The following ASMT variants were observed in gnomAD, a reference collection of about 807,000 sequenced individuals.
The protein encoded by ASMT is acetylserotonin O-methyltransferase.
In ASMT, 53 loss-of-function variants were observed where a neutral mutation model predicts 41.3. The ratio of observed to expected loss-of-function variants is 1.28; its 90% CI spans 1.03 to 1.61. ASMT has a LOEUF of 1.61. Ranked by LOEUF, ASMT falls within the 40% of genes most tolerant of loss-of-function variation. The pLI is 0.00. For missense variants in ASMT, 531 were observed against 441.3 expected, an observed-to-expected ratio of 1.20 and a Z score of -1.82; for synonymous variants, 231 against 184.8, an observed-to-expected ratio of 1.25 and a Z score of -2.03.
At chrX:1,636,041 C>CACCTCCTGGTTTCAAGT (rs1421417524) in intron 7 of ASMT, among the ~76,000 whole-genome samples, 1 of 150,322 alleles carries the variant, frequency 6.7e-6, no homozygotes, top group Non-Finnish European at 1.5e-5. Flanking sequence ...CTGCAAGCTC[C>CACCTCCTGGTTTCAAGT]GCCTCCCGGG....
At position 1,624,330 on chromosome X, in the gene ASMT, A is replaced by G. The variant is rs761098686; in HGVS notation, c.306A>G (p.Gln102=). The G allele has an allele frequency of 1.9e-6, 3 of 1,613,828 alleles. No individual in the cohort carries two copies. Among genetic ancestry groups the G allele is most frequent in the Admixed American group, 1.7e-5 (1 of 59,992 alleles). ...TGACCACGGTCAGCCCGACGTCACA[A>G]TGCAGCATGCTGAAGTACATGGGCA... is the stretch of plus-strand genomic sequence containing the variant. The part of the protein sequence containing the change: ...DYLTTVSPTS[Q]CSMLKYMGRT... Residue 102 remains glutamine (Q), a synonymous_variant, in exon 3 of 9, where the codon CAA becomes CAG. Transcript: ENST00000381241.
chrX:1,616,879 T>G (rs1934146568), intron 1 of ASMT, among the ~76,000 whole-genome samples: 1 of 151,888 alleles, frequency 6.6e-6, no homozygotes, highest in South Asian at 2.1e-4. Context: ...CGGCTAATTT[T>G]TTGTATTTTT....
chrX:1,636,659 A>G, intron 8 of ASMT, 99 bp downstream of exon 8: 1 of 1,583,448 alleles, frequency 6.3e-7, no homozygotes, highest in East Asian at 2.2e-5. Flanking sequence ...TCCCACAGGT[A>G]AGGGTAGACA....
chrX:1,634,459 C>G (rs1934885623), intron 7 of ASMT, among the ~76,000 whole-genome samples: 2 of 152,188 alleles, frequency 1.3e-5, no homozygotes, highest in African/African-American at 4.8e-5. Context: ...CAATCTTCAC[C>G]TCTTCCAGAG....
chrX:1,623,364 A>T, intron 2 of ASMT, 51 bp downstream of exon 2: 1 of 1,603,792 alleles, frequency 6.2e-7, no homozygotes, highest in Non-Finnish European at 8.5e-7. Context: ...CACCCTCTGC[A>T]GCCCACGTGT....
intron 1 of ASMT, 68 bp downstream of exon 1, chrX:1,615,336 G>C: frequency 7.0e-7 from 1 of 1,427,650 alleles, no homozygotes; most frequent in South Asian, 1.2e-5. Context: ...CCATTGTTGT[G>C]TCAGTCGAGA....
intron 1 of ASMT, among the ~76,000 whole-genome samples, chrX:1,617,830 G>C (rs1490930796): frequency 2.6e-5 from 4 of 152,084 alleles, no homozygotes; most frequent in African/African-American, 9.6e-5. Flanking sequence ...GGTCAGGCTG[G>C]TCTCGAACTC....
chrX:1,632,915 A>G, intron 6 of ASMT, 128 bp downstream of exon 6: 1 of 615,010 alleles, frequency 1.6e-6, no homozygotes, highest in Non-Finnish European at 2.9e-6. Context: ...AATGTAAATG[A>G]CGAGTCGATG....
intron 2 of ASMT, 96 bp from the exon 3 acceptor site, chrX:1,624,173 C>A: frequency 6.7e-7 from 1 of 1,483,858 alleles, no homozygotes; most frequent in Non-Finnish European, 9.4e-7. Context: ...GGCTTGTAAT[C>A]ATGTTGAAAT....
rs1459832295 is a variant in ASMT at position 1,634,325 on chromosome X, C to A, written c.787+1035C>A. On this transcript the variant is annotated intron_variant, in intron 7 of 8. Transcript: ENST00000381241. ...TGTGGACAGCAATCAATTCCCCCAA[C>A]AACAAGGTTTGACAACACACACCAC... Among the ~76,000 whole-genome samples, 5 of 152,304 alleles carry A rather than the reference C, an allele frequency of 3.3e-5. 1 individual carries two copies. Among genetic ancestry groups the A allele is most frequent in the East Asian group, 3.9e-4 (2 of 5,190 alleles).
At chrX:1,616,473 G>C (rs1186983114) in intron 1 of ASMT, among the ~76,000 whole-genome samples, 2 of 151,404 alleles carry the variant, frequency 1.3e-5, no homozygotes, top group Non-Finnish European at 3.0e-5. Flanking sequence ...GTTTAACGGA[G>C]ACAGTGTCCC....
chrX:1,630,871 TTTTA>T lies in ASMT; in HGVS notation c.562+957_562+960del, dbSNP rs112497831. Among the ~76,000 whole-genome samples, 171 of 139,948 alleles carry T rather than the reference TTTTA, an allele frequency of 1.2e-3. 1 individual carries two copies. Among genetic ancestry groups the T allele is most frequent in the East Asian group, 6.4e-3 (30 of 4,702 alleles). The allele number at this position is 139,948 out of a possible 152,430, so 91.8% of individuals were successfully genotyped here. A position where few individuals can be genotyped will look rare whatever the true frequency, so the allele number is the denominator to read the frequency against. ...CCACACCCAGGCTGAGCTGAGCTTG[TTTTA>T]TTTATTTATTTATTTATTTATTTAC... On this transcript the variant is annotated intron_variant, in intron 5 of 8. Coordinates refer to ENST00000381241, the MANE Select transcript of ASMT (RefSeq NM_001171038.2).
At chrX:1,616,153 C>A (rs1436279895) in intron 1 of ASMT, among the ~76,000 whole-genome samples, 1 of 150,090 alleles carries the variant, frequency 6.7e-6, no homozygotes, top group Non-Finnish European at 1.5e-5. Flanking sequence ...TTCAGCCTCC[C>A]GAGTATCTGG....
chrX:1,632,389 C>T (rs6644785), intron 5 of ASMT, among the ~76,000 whole-genome samples: 42,082 of 151,624 alleles, frequency 0.28, 5,737 homozygotes, highest in East Asian at 0.42. Flanking sequence ...CGGTGGCTCA[C>T]GCCTGTCATC....
At chrX:1,624,244 C>T in intron 2 of ASMT, 25 bp from the exon 3 acceptor site, 2 of 1,613,798 alleles carry the variant, frequency 1.2e-6, no homozygotes, top group Non-Finnish European at 1.7e-6. Flanking sequence ...ACTGCTTTTT[C>T]CCTGTTTTTT....
chrX:1,615,406 C>A, intron 1 of ASMT, 138 bp downstream of exon 1: 1 of 893,820 alleles, frequency 1.1e-6, no homozygotes, highest in Non-Finnish European at 1.8e-6. Flanking sequence ...GACGTACACC[C>A]ACGATGTAGC....
chrX:1,619,261 GC>G (rs1335796007), intron 1 of ASMT, among the ~76,000 whole-genome samples: 2 of 151,812 alleles, frequency 1.3e-5, no homozygotes, highest in Non-Finnish European at 2.9e-5. Flanking sequence ...GGGCGTGGTG[GC>G]GGGCACCTGT....
intron 8 of ASMT, among the ~76,000 whole-genome samples, chrX:1,640,433 T>C (rs1243542172): frequency 4.2e-4 from 14 of 33,584 alleles, no homozygotes; most frequent in Non-Finnish European, 5.5e-4. Flanking sequence ...TTCATGAGGA[T>C]GTGGGCACAG....
At chrX:1,625,810 C>T (rs183319809) in intron 3 of ASMT, among the ~76,000 whole-genome samples, 6,696 of 151,278 alleles carry the variant, frequency 0.044, 490 homozygotes, top group African/African-American at 0.15. Flanking sequence ...AAAAATTAGC[C>T]GGGCGTGGTG....
Sources: gnomAD v4.1 joint callset for allele counts (sites outside exome capture counted in the v4.1 genomes callset) on GRCh38, gnomAD v4.1.1 for gene constraint, MANE v1.5 for transcripts, NCBI Gene and HGNC (gene_info 2026-07-23, HGNC 2026-07-21) for gene names.